The following HPSE2 variants were observed in gnomAD, a reference collection of about 807,000 sequenced individuals.
HPSE2 encodes the protein heparanase 2 (inactive).
Under a neutral mutation model 60.5 loss-of-function variants are expected in HPSE2, and 38 were observed. The ratio of observed to expected loss-of-function variants is 0.63; its 90% confidence interval spans 0.48 to 0.82. HPSE2 has a LOEUF of 0.82. Ranked by LOEUF, HPSE2 falls within the 40% of genes least tolerant of loss-of-function variation. The pLI is 0.00. For missense variants in HPSE2, 713 were observed against 740.4 expected (o/e 0.96, Z 0.43); for synonymous variants, 295 against 293.2 (o/e 1.01, Z -0.06).
intron 6 of HPSE2, among the ~76,000 whole-genome samples, chr10:98,682,046 T>C (rs1411699282): frequency 6.6e-6 from 1 of 152,198 alleles, no homozygotes; most frequent in African/African-American, 2.4e-5. Context: ...AAATCTCCTC[T>C]TGAAATGTAA....
intron 5 of HPSE2, among the ~76,000 whole-genome samples, chr10:98,696,555 G>C (rs1281710211): frequency 6.6e-6 from 1 of 151,726 alleles, no homozygotes; most frequent in Non-Finnish European, 1.5e-5. Flanking sequence ...TAAACCCATG[G>C]ATTGGAAGAT....
At chr10:98,900,297 G>T (rs1232793968) in intron 3 of HPSE2, among the ~76,000 whole-genome samples, 1 of 152,034 alleles carries the variant, frequency 6.6e-6, no homozygotes. Context: ...ATAATTGTAC[G>T]GAGTAAAAGA....
chr10:98,801,069 T>C (rs10786471), intron 3 of HPSE2, among the ~76,000 whole-genome samples: 5,836 of 152,256 alleles, frequency 0.038, 244 homozygotes, highest in East Asian at 0.17. Context: ...TGCAAATCAA[T>C]CAATGTGATA....
At chr10:98,692,314 G>C (rs1948095861) in intron 6 of HPSE2, among the ~76,000 whole-genome samples, 1 of 152,116 alleles carries the variant, frequency 6.6e-6, no homozygotes, top group South Asian at 2.1e-4. Flanking sequence ...ACAGAATAAG[G>C]GCAGAGTGGC....
At chr10:99,031,940 G>A (rs1019387458) in intron 3 of HPSE2, among the ~76,000 whole-genome samples, 1 of 152,124 alleles carries the variant, frequency 6.6e-6, no homozygotes, top group African/African-American at 2.4e-5. Flanking sequence ...TTTTGTTCCT[G>A]GGATTTCTGC....
intron 3 of HPSE2, among the ~76,000 whole-genome samples, chr10:99,002,344 G>C (rs528435125): frequency 1.3e-5 from 2 of 152,206 alleles, no homozygotes; most frequent in African/African-American, 2.4e-5. Context: ...GCACATAGTA[G>C]TGACTTCCTT....
Position 98,457,939 on chromosome 10 carries a change from C to T in HPSE2, c.*1635G>A, listed in dbSNP as rs1940118682. 6.6e-6 allele frequency: 1 copy of T among 152,198 alleles called. No individual in the cohort carries two copies. Among genetic ancestry groups the T allele is most frequent in the South Asian group, 2.1e-4 (1 of 4,818 alleles). 9.4% of individuals were successfully genotyped at this position (152,198 alleles called of 1,614,324 possible). A position where few individuals can be genotyped will look rare whatever the true frequency, so the allele number is the denominator to read the frequency against. On this transcript the variant is annotated 3_prime_UTR_variant, in exon 12 of 12. Coordinates refer to ENST00000370552, the MANE Select transcript of HPSE2 (RefSeq NM_021828.5). Reference sequence around the variant, plus strand: ...TGTAGTACATCTGCTGTATGCTGTTCCTCCTGTGCTTAATGATAAGCATGT... The same window carrying T: ...TGTAGTACATCTGCTGTATGCTGTTTCTCCTGTGCTTAATGATAAGCATGT...
At chr10:99,306,770 C>T in the HPSE2 span, among the ~76,000 whole-genome samples, 5 of 152,114 alleles carry the variant, frequency 3.3e-5, no homozygotes, top group East Asian at 1.9e-4. Flanking sequence ...AGTACAATGG[C>T]GCGATCTCGG....
chr10:99,266,014 G>A, the HPSE2 span, among the ~76,000 whole-genome samples: 1 of 152,230 alleles, frequency 6.6e-6, no homozygotes, highest in Non-Finnish European at 1.5e-5. Flanking sequence ...TTCTGACTTT[G>A]TCTCACAGAG....
chr10:99,082,656 A>G (rs1158078818), intron 3 of HPSE2, among the ~76,000 whole-genome samples: 3 of 152,220 alleles, frequency 2.0e-5, no homozygotes, highest in Admixed American at 1.3e-4. Flanking sequence ...CTGAGATTTT[A>G]TCATCTTTGT....
chr10:99,191,262 C>T (rs1420201716), intron 2 of HPSE2, among the ~76,000 whole-genome samples: 2 of 151,946 alleles, frequency 1.3e-5, no homozygotes, highest in Admixed American at 6.6e-5. Flanking sequence ...ACTGTAGACC[C>T]CTTAGGTGGC....
intron 3 of HPSE2, among the ~76,000 whole-genome samples, chr10:98,922,609 T>C (rs1954314841): frequency 6.6e-6 from 1 of 152,178 alleles, no homozygotes; most frequent in South Asian, 2.1e-4. Context: ...GCAAGGCTGA[T>C]GGTGAAGGTA....
Position 98,744,056 on chromosome 10 carries a change from G to A in HPSE2, c.611C>T (p.Ala204Val). Residue 204 changes from alanine to valine, a missense_variant and splice_region_variant, in exon 4 of 12, where the codon GCC becomes GTC. By Grantham distance (64) the Ala-to-Val change is moderately conservative (BLOSUM62 0). Transcript: ENST00000370552. ...GTTATAAAGTTTGTCTAGAGACCTG[G>A]CTGGGAAGAAGCAGAGAAAGGCTTG... ...SNTYSNLILTARSLDKLYNFA... is the reference protein window; with the variant it reads ...SNTYSNLILTVRSLDKLYNFA... 1 of 1,613,724 alleles carries A rather than the reference G, an allele frequency of 6.2e-7. No individual in the cohort carries two copies. Among genetic ancestry groups the A allele is most frequent in the Non-Finnish European group, 8.5e-7 (1 of 1,179,728 alleles).
chr10:98,610,964 C>T (rs1267563295), intron 9 of HPSE2, among the ~76,000 whole-genome samples: 1 of 152,250 alleles, frequency 6.6e-6, no homozygotes, highest in Non-Finnish European at 1.5e-5. Flanking sequence ...ATGCCCATGA[C>T]TGGTGGGGTC....
chr10:99,117,319 G>A (rs575678376), intron 3 of HPSE2, among the ~76,000 whole-genome samples: 2 of 141,844 alleles, frequency 1.4e-5, no homozygotes, highest in South Asian at 2.3e-4. Context: ...TCTAAAGCTA[G>A]CAGAAGACAA....
At chr10:99,144,155 G>T in intron 3 of HPSE2, 83 bp downstream of exon 3, 1 of 1,196,274 alleles carries the variant, frequency 8.4e-7, no homozygotes, top group Non-Finnish European at 1.2e-6. Context: ...TGATATAGTG[G>T]GTGTAGACAG....
rs184122868 is a variant in HPSE2, at chr10:98,955,385, A to G, written c.610+188853T>C. ...CTCAAAATCAGTGATCATTAGAGAA[A>G]TGCAAATCAAAACCACAATGAGATA... On this transcript the variant is annotated intron_variant, in intron 3 of 11. Coordinates refer to ENST00000370552, the MANE Select transcript of HPSE2 (RefSeq NM_021828.5). 2.6e-5 allele frequency among the ~76,000 whole-genome samples: 4 copies of G among 152,352 alleles called. No homozygotes were observed. The East Asian group carries it at 5.8e-4, about 22-fold the overall frequency.
At chr10:98,741,527 C>T (rs1386606981) in intron 4 of HPSE2, among the ~76,000 whole-genome samples, 4 of 151,580 alleles carry the variant, frequency 2.6e-5, no homozygotes, top group African/African-American at 9.7e-5. Context: ...ATTCTCTTCT[C>T]CAACCCACCC....
At chr10:98,544,438 C>T (rs535057042) in intron 9 of HPSE2, among the ~76,000 whole-genome samples, 2 of 152,020 alleles carry the variant, frequency 1.3e-5, no homozygotes, top group African/African-American at 2.4e-5. Context: ...AGGCCGGGCG[C>T]GGTGGCTCAC....
Sources: allele counts gnomAD v4.1 joint callset (sites outside exome capture counted in the v4.1 genomes callset), GRCh38; gene constraint gnomAD v4.1.1; transcripts MANE v1.5; gene names NCBI Gene and HGNC (gene_info 2026-07-23, HGNC 2026-07-21).